The following CSN3 variants were observed in gnomAD, a reference collection of about 807,000 sequenced individuals.
CSN3 encodes the protein kappa-casein.
CSN3 carries 7 observed loss-of-function variants against 9.9 expected under a neutral mutation model. The ratio of observed to expected loss-of-function variants is 0.71; its 90% CI spans 0.40 to 1.33. CSN3 has a LOEUF of 1.33. CSN3 is among the 40% of genes most tolerant of loss of function. The pLI is 0.01. For missense variants in CSN3, 253 were observed against 227.9 expected, an observed-to-expected ratio of 1.11 and a Z score of -0.71; for synonymous variants, 88 against 82.3, an observed-to-expected ratio of 1.07 and a Z score of -0.37.
At chr4:70,247,586 TG>T (rs1470769809) in intron 2 of CSN3, among the ~76,000 whole-genome samples, 1 of 152,110 alleles carries the variant, frequency 6.6e-6, no homozygotes, top group African/African-American at 2.4e-5. Flanking sequence ...TCATTCTAGG[TG>T]GTGATGTTTA....
intron 4 of CSN3, among the ~76,000 whole-genome samples, chr4:70,249,762 T>C (rs1489473952): frequency 1.3e-5 from 2 of 152,214 alleles, no homozygotes; most frequent in African/African-American, 4.8e-5. Flanking sequence ...GGGACACTCT[T>C]AGAATGTAAT....
intron 1 of CSN3, among the ~76,000 whole-genome samples, chr4:70,244,506 C>T (rs1254108784): frequency 2.0e-5 from 3 of 151,968 alleles, no homozygotes; most frequent in Non-Finnish European, 2.9e-5. Context: ...TATGTTTCAA[C>T]ACTCTTCCTA....
upstream of CSN3, among the ~76,000 whole-genome samples, chr4:70,240,554 G>A (rs1256527472): frequency 6.6e-6 from 1 of 151,988 alleles, no homozygotes; most frequent in Admixed American, 6.6e-5. Context: ...GAGCATGCGA[G>A]TTCTGATCCT....
intron 2 of CSN3, among the ~76,000 whole-genome samples, chr4:70,245,947 A>C (rs1190589589): frequency 2.0e-5 from 3 of 152,130 alleles, no homozygotes; most frequent in Non-Finnish European, 4.4e-5. Context: ...AAATCATGAA[A>C]TGATCTACAA....
intron 2 of CSN3, among the ~76,000 whole-genome samples, chr4:70,247,427 A>G (rs945225254): frequency 6.6e-5 from 10 of 152,174 alleles, no homozygotes; most frequent in African/African-American, 1.2e-4. Context: ...AGAGCAGAGA[A>G]AGGAAAAAAG....
At position 70,244,823 on chromosome 4, in the gene CSN3, A is replaced by T. The variant is rs768868991; in HGVS notation, c.4A>T (p.Lys2Ter). 1.9e-6 allele frequency: 3 copies of T among 1,547,554 alleles called. No homozygotes were observed. Among genetic ancestry groups the T allele is most frequent in the Non-Finnish European group, 2.6e-6 (3 of 1,147,742 alleles). Residue 2 changes from lysine to a stop codon, truncating the protein, a stop_gained, in exon 2 of 5, where the codon AAG becomes TAG. Coordinates refer to ENST00000304954, the Ensembl canonical transcript of CSN3. LOFTEE classifies it high-confidence loss of function. ...AAATTTATCTTTAGGTGCAATAATG[A>T]AGAGTTTTCTTCTAGTTGTCAATGC...
exon 4 of CSN3, chr4:70,249,410 C>G (rs777759332): frequency 6.2e-7 from 1 of 1,613,892 alleles, no homozygotes; most frequent in Non-Finnish European, 8.5e-7. Context: ...TCCATCATCA[C>G]GAGCACCCCT....
chr4:70,249,181 G>A, exon 4 of CSN3: 1 of 1,614,024 alleles, frequency 6.2e-7, no homozygotes, highest in Non-Finnish European at 8.5e-7. Flanking sequence ...TAGGCCACAT[G>A]CCCAAATTCC....
At position 70,249,442 on chromosome 4, in the gene CSN3, A is replaced by G. The variant is rs144706700; in HGVS notation, c.532A>G (p.Thr178Ala). 1,073 of 1,613,002 alleles carry G rather than the reference A, an allele frequency of 6.7e-4. 4 individuals carry two copies. Among genetic ancestry groups the G allele is most frequent in the Admixed American group, 4.4e-3 (265 of 59,976 alleles). Residue 178 changes from threonine (T) to alanine (A), a missense_variant, in exon 4 of 5, where the codon ACT (threonine) becomes GCT (alanine). Thr to Ala is a moderately conservative substitution (Grantham distance 58). Coordinates refer to ENST00000304954, the Ensembl canonical transcript of CSN3. ...CCCTGAGACAACCACAGTTGCAGTT[A>G]CTCCACCTACGGCATAAAAACACCA...
At chr4:70,250,605 C>T (rs369434093) in intron 4 of CSN3, among the ~76,000 whole-genome samples, 21 of 152,020 alleles carry the variant, frequency 1.4e-4, no homozygotes, top group Non-Finnish European at 2.6e-4. Context: ...TGATAAAAAC[C>T]GTACATAATT....
Position 70,244,945 on chromosome 4 carries a change from A to G in CSN3, c.54+72A>G, listed in dbSNP as rs184144813. 17 of 773,828 alleles carry G rather than the reference A, an allele frequency of 2.2e-5. No homozygotes were observed. In the African/African-American group the frequency reaches 2.7e-4, roughly 12 times the overall value. The allele number at this position is 773,828 out of a possible 1,614,324, so 47.9% of individuals were successfully genotyped here. On this transcript the variant is annotated intron_variant, in intron 2 of 4. Coordinates refer to ENST00000304954, the Ensembl canonical transcript of CSN3. ...TTGTTTAAGGGCTTTAACTATGCAA[A>G]CTTCTAAATACAATTATGCTTCATA...
At chr4:70,248,475 C>T (rs190054595) in intron 3 of CSN3, among the ~76,000 whole-genome samples, 89 of 152,254 alleles carry the variant, frequency 5.8e-4, no homozygotes, top group African/African-American at 2.1e-3. Context: ...CTCCACATCA[C>T]ATTATGTTAC....
intron 2 of CSN3, among the ~76,000 whole-genome samples, chr4:70,247,192 CAA>C (rs1730394927): frequency 6.6e-6 from 1 of 152,066 alleles, no homozygotes; most frequent in Admixed American, 6.6e-5. Flanking sequence ...TACCTCCTTT[CAA>C]AAGTTTCTAA....
At chr4:70,250,780 T>C (rs1337077305) in intron 4 of CSN3, among the ~76,000 whole-genome samples, 3 of 152,178 alleles carry the variant, frequency 2.0e-5, no homozygotes. Context: ...TGGGGTTTAA[T>C]TACTATGTCA....
At chr4:70,245,641 A>G (rs1471374871) in intron 2 of CSN3, among the ~76,000 whole-genome samples, 1 of 152,156 alleles carries the variant, frequency 6.6e-6, no homozygotes, top group Admixed American at 6.6e-5. Flanking sequence ...AGCATAAATA[A>G]TGGTATATGT....
chr4:70,250,271 C>T (rs1730456505), intron 4 of CSN3, among the ~76,000 whole-genome samples: 2 of 151,360 alleles, frequency 1.3e-5, no homozygotes, highest in Admixed American at 1.3e-4. Context: ...GAGAAAGTTG[C>T]AAAATGTGGA....
chr4:70,243,212 A>AT, intron 1 of CSN3: 13 of 959,536 alleles, frequency 1.4e-5, no homozygotes, highest in Non-Finnish European at 1.5e-5. Context: ...TATCTCTGTG[A>AT]TTTTTGTTTG....
upstream of CSN3, among the ~76,000 whole-genome samples, chr4:70,238,756 A>G (rs1185921193): frequency 1.2e-4 from 18 of 151,826 alleles, no homozygotes; most frequent in Admixed American, 1.2e-3. Flanking sequence ...TATTGTTAAG[A>G]TAGAATTAAT....
chr4:70,244,274 T>C (rs1730329148), intron 1 of CSN3, among the ~76,000 whole-genome samples: 1 of 152,052 alleles, frequency 6.6e-6, no homozygotes, highest in Admixed American at 6.6e-5. Context: ...ATATTTCCCT[T>C]CTCATACAAG....
Sources: allele counts gnomAD v4.1 joint callset (sites outside exome capture counted in the v4.1 genomes callset), GRCh38; gene constraint gnomAD v4.1.1; transcripts MANE v1.5; gene names NCBI Gene and HGNC (gene_info 2026-07-23, HGNC 2026-07-21).